The following ADAMTS12 variants were observed in gnomAD, a reference collection of about 807,000 sequenced individuals.
The protein encoded by ADAMTS12 is ADAM metallopeptidase with thrombospondin type 1 motif 12.
A neutral mutation model predicts 167.8 loss-of-function variants in ADAMTS12; 118 were observed. The observed-to-expected ratio is 0.70, with a 90% CI of 0.61 to 0.82. The LOEUF (loss-of-function observed/expected upper bound fraction) is 0.82, where lower values mean the gene tolerates loss of function less well. ADAMTS12 is among the 40% of genes least tolerant of loss of function. The pLI is 0.00. For missense variants in ADAMTS12, 1,916 were observed against 1,998.8 expected, an observed-to-expected ratio of 0.96 and a Z score of 0.79; for synonymous variants, 704 against 716.9, an observed-to-expected ratio of 0.98 and a Z score of 0.29.
intron 2 of ADAMTS12, among the ~76,000 whole-genome samples, chr5:33,857,944 A>G (rs572810644): frequency 1.4e-4 from 22 of 152,350 alleles, no homozygotes; most frequent in African/African-American, 3.8e-4. Context: ...CTCTCAAAAA[A>G]TGACAGAACA....
intron 18 of ADAMTS12, among the ~76,000 whole-genome samples, chr5:33,578,357 T>A (rs769775352): frequency 6.6e-5 from 10 of 152,224 alleles, no homozygotes; most frequent in Non-Finnish European, 1.0e-4. Context: ...AGGAACTCAC[T>A]TGAAAGGCGG....
At chr5:33,658,501 G>A (rs909813944) in intron 6 of ADAMTS12, among the ~76,000 whole-genome samples, 168 bp from the exon 7 acceptor site, 1 of 152,190 alleles carries the variant, frequency 6.6e-6, no homozygotes, top group Non-Finnish European at 1.5e-5. Context: ...TCACTGAGAT[G>A]ATTCTGATTT....
chr5:33,769,646 TAC>T (rs1745670414), intron 2 of ADAMTS12, among the ~76,000 whole-genome samples: 2 of 152,300 alleles, frequency 1.3e-5, no homozygotes, highest in South Asian at 4.1e-4. Context: ...AAGGTTCAAA[TAC>T]AGTTATTTTT....
At chr5:33,861,156 T>C (rs1749601600) in intron 2 of ADAMTS12, among the ~76,000 whole-genome samples, 1 of 152,160 alleles carries the variant, frequency 6.6e-6, no homozygotes, top group Non-Finnish European at 1.5e-5. Flanking sequence ...AACGCCATAA[T>C]GACAGAATCA....
Position 33,881,543 on chromosome 5 carries a change from C to T in ADAMTS12, c.128-63G>A, listed in dbSNP as rs1349957108. On this transcript the variant is annotated intron_variant, in intron 1 of 23. Coordinates refer to ENST00000504830, the MANE Select transcript of ADAMTS12 (RefSeq NM_030955.4). Reference sequence around the variant, plus strand: ...ATTGGTAGTAAAGCAAAGCCACTTTCGTTTGGAACTTGAATGCTAGCTTTT... The same window carrying T: ...ATTGGTAGTAAAGCAAAGCCACTTTTGTTTGGAACTTGAATGCTAGCTTTT... 1.3e-5 allele frequency: 20 copies of T among 1,529,262 alleles called. 1 individual carries two copies. The highest frequency in any genetic ancestry group is 1.1e-4 in the East Asian group (5 of 43,992). The allele number at this position is 1,529,262 out of a possible 1,614,324, so 94.7% of individuals were successfully genotyped here. A position where few individuals can be genotyped will look rare whatever the true frequency, so the allele number is the denominator to read the frequency against.
chr5:33,598,404 AAAAAG>A (rs1738018149), intron 16 of ADAMTS12, among the ~76,000 whole-genome samples: 2 of 152,242 alleles, frequency 1.3e-5, no homozygotes, highest in African/African-American at 2.4e-5. Context: ...CTTAAATAAA[AAAAAG>A]AAAAGAAAAC....
At chr5:33,801,777 G>C (rs1747019920) in intron 2 of ADAMTS12, among the ~76,000 whole-genome samples, 1 of 152,198 alleles carries the variant, frequency 6.6e-6, no homozygotes, top group Non-Finnish European at 1.5e-5. Flanking sequence ...AAAATGCCGT[G>C]AGGTTGAAGA....
chr5:33,754,449 C>T (rs149272439), intron 2 of ADAMTS12, among the ~76,000 whole-genome samples: 4 of 152,342 alleles, frequency 2.6e-5, no homozygotes, highest in African/African-American at 4.8e-5. Context: ...TGCCCCTTCA[C>T]CTCCTGTGCC....
intron 22 of ADAMTS12, among the ~76,000 whole-genome samples, chr5:33,540,310 C>T (rs1314610558): frequency 2.0e-5 from 3 of 152,254 alleles, no homozygotes; most frequent in Non-Finnish European, 2.9e-5. Flanking sequence ...CCAGGAAGCT[C>T]GAACTGGGCG....
intron 5 of ADAMTS12, among the ~76,000 whole-genome samples, chr5:33,674,235 A>G (rs926607855): frequency 6.6e-6 from 1 of 152,166 alleles, no homozygotes; most frequent in African/African-American, 2.4e-5. Flanking sequence ...GCTTTGTGGT[A>G]AGTTAACAAG....
intron 2 of ADAMTS12, among the ~76,000 whole-genome samples, chr5:33,791,995 CTTTTT>C (rs746021718): frequency 1.7e-5 from 2 of 119,360 alleles, no homozygotes. Flanking sequence ...TGCTTTCACA[CTTTTT>C]TTTTTTTTTT....
At chr5:33,573,584 C>T (rs1177240) in intron 19 of ADAMTS12, among the ~76,000 whole-genome samples, 3 of 152,264 alleles carry the variant, frequency 2.0e-5, no homozygotes, top group Middle Eastern at 6.8e-3. Context: ...ACACCTTATA[C>T]AAAAATTAAT....
chr5:33,534,072 G>A (rs1744252042), intron 23 of ADAMTS12, among the ~76,000 whole-genome samples: 1 of 152,164 alleles, frequency 6.6e-6, no homozygotes, highest in South Asian at 2.1e-4. Context: ...GGACATTATA[G>A]GTCATAGCTG....
chr5:33,811,475 A>G (rs1047342104), intron 2 of ADAMTS12, among the ~76,000 whole-genome samples: 4 of 152,166 alleles, frequency 2.6e-5, no homozygotes, highest in African/African-American at 9.7e-5. Flanking sequence ...CGTCATGCCA[A>G]TATCTGGGAG....
intron 3 of ADAMTS12, among the ~76,000 whole-genome samples, chr5:33,740,637 A>G (rs1744536218): frequency 6.6e-6 from 1 of 152,202 alleles, no homozygotes; most frequent in Non-Finnish European, 1.5e-5. Context: ...CACGCACCCA[A>G]TCCTGACCCT....
At chr5:33,873,418 G>A (rs917611035) in intron 2 of ADAMTS12, among the ~76,000 whole-genome samples, 2 of 152,070 alleles carry the variant, frequency 1.3e-5, no homozygotes, top group African/African-American at 4.8e-5. Context: ...AATAAAAGAA[G>A]CTATAAATAT....
intron 18 of ADAMTS12, among the ~76,000 whole-genome samples, chr5:33,583,531 G>A (rs1050999857): frequency 2.6e-5 from 4 of 152,132 alleles, no homozygotes; most frequent in South Asian, 2.1e-4. Flanking sequence ...GCTGGATCAC[G>A]TGATAGCTTA....
At chr5:33,773,395 G>A (rs10070109) in intron 2 of ADAMTS12, among the ~76,000 whole-genome samples, 19,106 of 152,100 alleles carry the variant, frequency 0.13, 1,573 homozygotes, top group East Asian at 0.4. Context: ...AACTGGCTGC[G>A]GATGAGTGCA....
At chr5:33,805,419 C>T (rs574612441) in intron 2 of ADAMTS12, among the ~76,000 whole-genome samples, 1 of 152,232 alleles carries the variant, frequency 6.6e-6, no homozygotes, top group South Asian at 2.1e-4. Flanking sequence ...ATTGCATGAA[C>T]AAGGTATGAG....
Sources: allele counts gnomAD v4.1 joint callset (sites outside exome capture counted in the v4.1 genomes callset), GRCh38; gene constraint gnomAD v4.1.1; transcripts MANE v1.5; gene names NCBI Gene and HGNC (gene_info 2026-07-23, HGNC 2026-07-21).